The following TAF4B variants were observed in gnomAD, a reference collection of about 807,000 sequenced individuals.
The protein encoded by TAF4B is TATA-box binding protein associated factor 4b, also known as transcription initiation factor TFIID subunit 4B.
In TAF4B, 38 loss-of-function variants were observed where a neutral mutation model predicts 86.4. The ratio of observed to expected loss-of-function variants is 0.44; its 90% CI spans 0.34 to 0.58. The LOEUF is 0.58. Among genes scored for constraint, TAF4B ranks in the 20% least tolerant of loss-of-function variants. The pLI is 0.02. For missense variants in TAF4B, 988 were observed against 1,027.6 expected (o/e 0.96, Z 0.53); for synonymous variants, 388 against 391.2 (o/e 0.99, Z 0.10).
At chr18:26,275,923 G>C (rs530139036) in intron 5 of TAF4B, among the ~76,000 whole-genome samples, 2 of 151,734 alleles carry the variant, frequency 1.3e-5, no homozygotes, top group Non-Finnish European at 2.9e-5. Context: ...GGCTGAGGCA[G>C]GAGAATGGCT....
intron 11 of TAF4B, among the ~76,000 whole-genome samples, chr18:26,325,140 TGTA>T (rs1191842698): frequency 2.0e-5 from 3 of 152,244 alleles, no homozygotes; most frequent in African/African-American, 7.2e-5. Flanking sequence ...GAAAGTGACA[TGTA>T]GTACAGAGCT....
At chr18:26,370,345 A>G (rs2057398161) in intron 14 of TAF4B, among the ~76,000 whole-genome samples, 1 of 152,244 alleles carries the variant, frequency 6.6e-6, no homozygotes, top group Admixed American at 6.5e-5. Flanking sequence ...TAAAGTGTAC[A>G]ACATTTATTG....
intron 1 of TAF4B, among the ~76,000 whole-genome samples, chr18:26,229,955 T>TA (rs77834289): frequency 0.01 from 1,504 of 149,030 alleles, 18 homozygotes; most frequent in African/African-American, 0.034. Flanking sequence ...AGAACTGGTT[T>TA]AAAAAAAAAA....
chr18:26,318,142 C>G (rs113264286), intron 10 of TAF4B, among the ~76,000 whole-genome samples: 1 of 152,154 alleles, frequency 6.6e-6, no homozygotes, highest in Non-Finnish European at 1.5e-5. Flanking sequence ...AAGTGATCCT[C>G]CTGCCTCAAC....
At chr18:26,257,814 T>G (rs979312966) in intron 1 of TAF4B, among the ~76,000 whole-genome samples, 1 of 151,594 alleles carries the variant, frequency 6.6e-6, no homozygotes, top group East Asian at 1.9e-4. Flanking sequence ...TTCTTTCATA[T>G]AGTTCATTTC....
chr18:26,256,096 C>G (rs1407792564), intron 1 of TAF4B: 5 of 1,504,620 alleles, frequency 3.3e-6, no homozygotes, highest in Non-Finnish European at 4.6e-6. Flanking sequence ...TCAATGTAGT[C>G]TTTAGACTGG....
At chr18:26,266,681 G>A (rs1270914898) in intron 2 of TAF4B, 1 of 151,964 alleles carries the variant, frequency 6.6e-6, no homozygotes, top group East Asian at 2.0e-4. Context: ...CTAACACGGT[G>A]AAACCCTGTC....
chr18:26,371,638 T>C (rs906726087), intron 14 of TAF4B, among the ~76,000 whole-genome samples: 22 of 152,216 alleles, frequency 1.4e-4, no homozygotes, highest in African/African-American at 5.3e-4. Context: ...TAGGTGATCA[T>C]GGTATCCCTA....
At chr18:26,229,402 A>G (rs1364502534) in intron 1 of TAF4B, among the ~76,000 whole-genome samples, 1 of 152,178 alleles carries the variant, frequency 6.6e-6, no homozygotes, top group African/African-American at 2.4e-5. Flanking sequence ...AAGATAACCA[A>G]TAGTTGAAGA....
At chr18:26,383,073 TAATC>T (rs1312694533) in intron 14 of TAF4B, among the ~76,000 whole-genome samples, 10 of 152,154 alleles carry the variant, frequency 6.6e-5, no homozygotes, top group African/African-American at 2.2e-4. Flanking sequence ...ATTTTGTTCA[TAATC>T]AATAGTTTGA....
At chr18:26,356,423 A>C (rs754095223) in intron 13 of TAF4B, among the ~76,000 whole-genome samples, 70 of 152,216 alleles carry the variant, frequency 4.6e-4, no homozygotes, top group Non-Finnish European at 8.7e-4. Flanking sequence ...TATTAAAATA[A>C]TCTGAAGTAA....
chr18:26,341,619 C>G (rs546481857), intron 13 of TAF4B, among the ~76,000 whole-genome samples: 186 of 152,144 alleles, frequency 1.2e-3, no homozygotes, highest in African/African-American at 4.2e-3. Context: ...CAAGGCACCA[C>G]AGTTTACGTA....
intron 9 of TAF4B, among the ~76,000 whole-genome samples, chr18:26,300,850 CA>C (rs1429792669): frequency 6.7e-6 from 1 of 149,546 alleles, no homozygotes; most frequent in Non-Finnish European, 1.5e-5. Flanking sequence ...TAAAATCTCC[CA>C]CTCTGATTTT....
intron 10 of TAF4B, among the ~76,000 whole-genome samples, chr18:26,316,523 T>A (rs1442900184): frequency 6.6e-6 from 1 of 152,006 alleles, no homozygotes; most frequent in Admixed American, 6.6e-5. Flanking sequence ...CCTGAGTAAC[T>A]GGGATTATAG....
intron 6 of TAF4B, 130 bp from the exon 7 acceptor site, chr18:26,285,751 AG>A (rs1168076831): frequency 2.7e-6 from 3 of 1,095,658 alleles, no homozygotes; most frequent in African/African-American, 1.6e-5. Context: ...AAGTGATACA[AG>A]CTGTCTTCAA....
chr18:26,346,907 G>GTATA (rs61248095), intron 13 of TAF4B, among the ~76,000 whole-genome samples: 1,273 of 11,178 alleles, frequency 0.11, 326 homozygotes, highest in African/African-American at 0.2. Context: ...ATATGTGTGT[G>GTATA]TATATATATA....
At chr18:26,382,306 G>A (rs557531166) in intron 14 of TAF4B, among the ~76,000 whole-genome samples, 20 of 152,318 alleles carry the variant, frequency 1.3e-4, no homozygotes, top group Middle Eastern at 3.4e-3. Context: ...TAACCATAGT[G>A]TAAGTAGGAA....
At chr18:26,256,796 G>T in intron 1 of TAF4B, among the ~76,000 whole-genome samples, 1 of 145,556 alleles carries the variant, frequency 6.9e-6, no homozygotes, top group Non-Finnish European at 1.5e-5. Flanking sequence ...TGTTTATTAT[G>T]CACATATTTG....
Position 26,262,252 on chromosome 18 carries a change from C to T in TAF4B, c.344-2918C>T, listed in dbSNP as rs188277360. Among the ~76,000 whole-genome samples the T allele has an allele frequency of 2.6e-4, 39 of 151,912 alleles. 1 individual carries two copies. The highest frequency in any genetic ancestry group is 2.4e-4 in the Non-Finnish European group (16 of 67,928). On this transcript the variant is annotated intron_variant, in intron 1 of 14. Coordinates refer to ENST00000269142, the MANE Select transcript of TAF4B (RefSeq NM_005640.3). ...TGAGAAATGCAAGTGACTTCCTCCT[C>T]CCGGGAAGATACCATAGCCTTAGAT...
Sources: gnomAD v4.1 joint callset for allele counts (sites outside exome capture counted in the v4.1 genomes callset) on GRCh38, gnomAD v4.1.1 for gene constraint, MANE v1.5 for transcripts, NCBI Gene and HGNC (gene_info 2026-07-23, HGNC 2026-07-21) for gene names.